EFR3A: variants seen among roughly 807,000 people sequenced by gnomAD.
The protein encoded by EFR3A is EFR3 homolog A, also known as protein EFR3 homolog A.
Under a neutral mutation model 104.4 loss-of-function variants are expected in EFR3A, and 76 were observed. The ratio of observed to expected loss-of-function variants is 0.73; its 90% CI spans 0.60 to 0.88. The LOEUF is 0.88. EFR3A is among the 40% of genes least tolerant of loss of function. The pLI is 0.00. For missense variants in EFR3A, 985 were observed against 1,012.5 expected (o/e 0.97, Z 0.37); for synonymous variants, 330 against 330.0 (o/e 1.00, Z 0.00).
At chr8:131,931,422 G>A (rs2130501648) in intron 1 of EFR3A, among the ~76,000 whole-genome samples, 1 of 152,130 alleles carries the variant, frequency 6.6e-6, no homozygotes, top group South Asian at 2.1e-4. Context: ...GTATAATTAG[G>A]TATATATAGT....
intron 8 of EFR3A, among the ~76,000 whole-genome samples, chr8:131,967,587 A>G (rs1819810709): frequency 6.7e-6 from 1 of 149,418 alleles, no homozygotes; most frequent in South Asian, 2.2e-4. Context: ...AAAAAAAAAA[A>G]CCTATTCACT....
chr8:131,907,212 G>T (rs1417780950), intron 1 of EFR3A, among the ~76,000 whole-genome samples: 2 of 152,148 alleles, frequency 1.3e-5, no homozygotes, highest in African/African-American at 4.8e-5. Flanking sequence ...GAATGCATTT[G>T]CTTCCATCCT....
In EFR3A at chr8:131,946,649, C is replaced by T. The variant is rs772925443; in HGVS notation, c.366+16C>T. On this transcript the variant is annotated intron_variant, in intron 4 of 22. Transcript: ENST00000254624. ...AACAAATTCTGTGAGTAAAACTATT[C>T]TGTTACTAAATGTATGCTTAATTAG... The T allele has an allele frequency of 7.1e-6, 11 of 1,556,250 alleles. No individual in the cohort carries two copies. The highest frequency in any genetic ancestry group is 9.6e-6 in the Non-Finnish European group (11 of 1,151,616).
At position 131,942,535 on chromosome 8, in the gene EFR3A, A is replaced by G. The variant is rs1342309488; in HGVS notation, c.87+1960A>G. On this transcript the variant is annotated intron_variant, in intron 2 of 22. Coordinates refer to ENST00000254624, the MANE Select transcript of EFR3A (RefSeq NM_015137.6). ...GGAAGTAATAAGTAGTACCGATCTC[A>G]TAATGTTCTCATGAGGACTAAATGA... Among the ~76,000 whole-genome samples the G allele has an allele frequency of 6.6e-5, 10 of 152,224 alleles. No individual in the cohort carries two copies. The South Asian group carries it at 1.0e-3, about 16-fold the overall frequency.
Position 131,950,067 on chromosome 8 carries a change from T to C in EFR3A, c.465T>C (p.His155=), listed in dbSNP as rs759328921. The stretch of plus-strand genomic sequence containing the variant: ...TCAGTGCCATGTGCCATTCCTGTCA[T>C]AGTGATCCAGAAATACGAACAGAGT... ...SRFSAMCHSC[H]SDPEIRTEIR... is the part of the protein sequence containing the mutation. Residue 155 remains histidine (H), a synonymous_variant, in exon 5 of 23, where the codon CAT becomes CAC. Transcript: ENST00000254624. The C allele has an allele frequency of 6.8e-6, 11 of 1,609,758 alleles. No individual in the cohort carries two copies. The highest frequency in any genetic ancestry group is 1.3e-5 in the African/African-American group (1 of 74,812).
intron 1 of EFR3A, among the ~76,000 whole-genome samples, chr8:131,912,000 G>C (rs1268702208): frequency 6.6e-6 from 1 of 152,206 alleles, no homozygotes; most frequent in African/African-American, 2.4e-5. Context: ...TGGGGAAAAA[G>C]GGTTCTGGTT....
At position 132,003,291 on chromosome 8, in the gene EFR3A, G is replaced by A. The variant is rs1420354078; in HGVS notation, c.2360+6G>A. ...ATATTGGAACTCACCATACGGTAAG[G>A]GTTTTGTTATCACAATAGCAATAAC... On this transcript the variant is annotated splice_donor_region_variant and intron_variant, in intron 22 of 22. Coordinates refer to ENST00000254624, the MANE Select transcript of EFR3A (RefSeq NM_015137.6). 1.9e-6 allele frequency: 3 copies of A among 1,610,514 alleles called. No homozygotes were observed. Among genetic ancestry groups the A allele is most frequent in the Non-Finnish European group, 8.5e-7 (1 of 1,178,186 alleles).
chr8:131,923,435 A>G (rs1817148688), intron 1 of EFR3A, among the ~76,000 whole-genome samples: 1 of 151,204 alleles, frequency 6.6e-6, no homozygotes, highest in African/African-American at 2.4e-5. Context: ...CATTCTTTCT[A>G]ATGTGTTCAT....
At chr8:131,952,515 TAA>T (rs1398609930) in intron 5 of EFR3A, among the ~76,000 whole-genome samples, 1 of 152,148 alleles carries the variant, frequency 6.6e-6, no homozygotes, top group Non-Finnish European at 1.5e-5. Flanking sequence ...CAAGGCATGA[TAA>T]AAGTTTCATC....
At chr8:131,954,454 A>G (rs2130622895) in intron 6 of EFR3A, among the ~76,000 whole-genome samples, 1 of 151,968 alleles carries the variant, frequency 6.6e-6, no homozygotes, top group Non-Finnish European at 1.5e-5. Context: ...TTGTCCTAAG[A>G]TGTTTTGGAA....
intron 21 of EFR3A, 45 bp downstream of exon 21, chr8:132,002,751 TG>T: frequency 6.7e-7 from 1 of 1,484,986 alleles, no homozygotes; most frequent in East Asian, 2.3e-5. Flanking sequence ...ACTGTTGTTT[TG>T]TGGAAACTCT....
At position 131,914,774 on chromosome 8, in the gene EFR3A, C is replaced by T. The variant is rs190136486; in HGVS notation, c.10+10452C>T. Among the ~76,000 whole-genome samples the T allele has an allele frequency of 3.3e-5, 5 of 152,118 alleles. No homozygotes were observed. In the East Asian group the frequency reaches 7.7e-4, roughly 24 times the overall value. Reference sequence around the variant, plus strand: ...TGCACCCAGGTACTAAGCCTAGCACCCAGTAGTTATTTTTTCTGCTCCTCT... The same window carrying T: ...TGCACCCAGGTACTAAGCCTAGCACTCAGTAGTTATTTTTTCTGCTCCTCT... On this transcript the variant is annotated intron_variant, in intron 1 of 22. Transcript: ENST00000254624.
intron 1 of EFR3A, 77 bp downstream of exon 1, chr8:131,904,399 G>A: frequency 8.3e-7 from 1 of 1,210,962 alleles, no homozygotes; most frequent in Non-Finnish European, 1.0e-6. Flanking sequence ...TACTCCTCCC[G>A]GGCGGCTGGG....
intron 15 of EFR3A, 127 bp downstream of exon 15, chr8:131,984,427 T>G: frequency 1.1e-6 from 1 of 876,908 alleles, no homozygotes; most frequent in Non-Finnish European, 1.7e-6. Flanking sequence ...TCTAAAATAC[T>G]CAAGACTATG....
chr8:131,915,069 G>A (rs1435195523), intron 1 of EFR3A, among the ~76,000 whole-genome samples: 1 of 152,032 alleles, frequency 6.6e-6, no homozygotes, highest in Non-Finnish European at 1.5e-5. Flanking sequence ...TAGGTATTTA[G>A]GTTGATTCCA....
At chr8:131,958,588 C>CT (rs34809711) in intron 7 of EFR3A, among the ~76,000 whole-genome samples, 5 of 147,296 alleles carry the variant, frequency 3.4e-5, no homozygotes, top group Admixed American at 6.8e-5. Flanking sequence ...GATTTCAGGT[C>CT]TTTTTTTTTT....
intron 17 of EFR3A, among the ~76,000 whole-genome samples, chr8:131,986,754 C>T (rs1475937290): frequency 1.4e-5 from 2 of 140,664 alleles, no homozygotes; most frequent in African/African-American, 5.3e-5. Flanking sequence ...CACTGCACTC[C>T]AGCCTGGGTA....
chr8:131,924,097 A>G (rs1176694284), intron 1 of EFR3A: 6 of 442,512 alleles, frequency 1.4e-5, no homozygotes, highest in South Asian at 6.4e-5. Context: ...AGGTCATAAA[A>G]TGAATGCTTA....
chr8:131,915,890 A>G lies in EFR3A; in HGVS notation c.10+11568A>G, dbSNP rs990383121. On this transcript the variant is annotated intron_variant, in intron 1 of 22. Coordinates refer to ENST00000254624, the MANE Select transcript of EFR3A (RefSeq NM_015137.6). Reference sequence around the variant, plus strand: ...TTTATTCACATATTTATTGAATGCTATGTGTCATTTATTATGCTAGACACT... The same window carrying G: ...TTTATTCACATATTTATTGAATGCTGTGTGTCATTTATTATGCTAGACACT... Among the ~76,000 whole-genome samples the G allele has an allele frequency of 8.5e-5, 13 of 152,194 alleles. No individual in the cohort carries two copies. The East Asian group carries it at 1.9e-3, about 23-fold the overall frequency.
Sources: gnomAD v4.1 joint callset for allele counts (sites outside exome capture counted in the v4.1 genomes callset) on GRCh38, gnomAD v4.1.1 for gene constraint, MANE v1.5 for transcripts, NCBI Gene and HGNC (gene_info 2026-07-23, HGNC 2026-07-21) for gene names.